UBXN11: variants seen among roughly 807,000 people sequenced by gnomAD.
UBXN11 encodes UBX domain protein 11.
Under a neutral mutation model 62.8 loss-of-function variants are expected in UBXN11, and 47 were observed. The ratio of observed to expected loss-of-function variants is 0.75; its 90% CI spans 0.59 to 0.95. UBXN11 has a LOEUF of 0.95. Among genes scored for constraint, UBXN11 ranks in the 40% least tolerant of loss-of-function variants. The pLI, the probability that UBXN11 is intolerant of heterozygous loss-of-function variation, is 0.00. For synonymous variants in UBXN11, 294 were observed against 267.0 expected (o/e 1.10, Z -0.99); for missense variants, 638 against 661.7 (o/e 0.96, Z 0.39).
At chr1:26,291,769 C>G (rs1369095701) in intron 8 of UBXN11, among the ~76,000 whole-genome samples, 1 of 152,152 alleles carries the variant, frequency 6.6e-6, no homozygotes, top group Non-Finnish European at 1.5e-5. Context: ...GCCAGGGGTC[C>G]CTTGAGAACT....
chr1:26,285,724 G>C, intron 9 of UBXN11, 99 bp downstream of exon 9: 3 of 1,461,292 alleles, frequency 2.1e-6, no homozygotes, highest in Middle Eastern at 2.5e-4. Context: ...GTGCCCCGTG[G>C]AGGGCAGGCT....
chr1:26,288,086 T>G (rs573333808), intron 8 of UBXN11, among the ~76,000 whole-genome samples: 30 of 151,868 alleles, frequency 2.0e-4, no homozygotes, highest in Admixed American at 5.9e-4. Flanking sequence ...TAAAAAAAAA[T>G]TGTAGAGATG....
intron 1 of UBXN11, among the ~76,000 whole-genome samples, chr1:26,315,960 C>CTTTT (rs34193565): frequency 0.56 from 63,610 of 113,638 alleles, 19,651 homozygotes; most frequent in Non-Finnish European, 0.59. Context: ...GTTTCCTGGC[C>CTTTT]TTTTTTTTTT....
At chr1:26,285,107 G>T in intron 10 of UBXN11, 1 of 1,057,420 alleles carries the variant, frequency 9.5e-7, no homozygotes, top group South Asian at 3.2e-5. Flanking sequence ...GTGGCTCACA[G>T]CACTGCCTCC....
chr1:26,298,376 G>A (rs1362850798), intron 4 of UBXN11, among the ~76,000 whole-genome samples: 1 of 152,144 alleles, frequency 6.6e-6, no homozygotes, highest in South Asian at 2.1e-4. Context: ...TTTCACCCTC[G>A]ATCTAATCAA....
intron 7 of UBXN11, among the ~76,000 whole-genome samples, chr1:26,294,631 G>A (rs754001062): frequency 2.0e-5 from 3 of 152,310 alleles, no homozygotes; most frequent in East Asian, 1.9e-4. Context: ...GCGAGGGCTC[G>A]GTAAGGTCAG....
At chr1:26,297,813 G>T in intron 5 of UBXN11, 149 bp downstream of exon 5, 1 of 901,644 alleles carries the variant, frequency 1.1e-6, no homozygotes, top group Non-Finnish European at 1.7e-6. Context: ...ACCTAGATCA[G>T]GCCCAGGCCA....
At chr1:26,314,572 T>C (rs1020612912) in intron 1 of UBXN11, among the ~76,000 whole-genome samples, 1 of 152,196 alleles carries the variant, frequency 6.6e-6, no homozygotes, top group Non-Finnish European at 1.5e-5. Context: ...AAATATTTAC[T>C]GGATGAATAA....
At chr1:26,300,048 T>C (rs2073491622) in intron 4 of UBXN11, among the ~76,000 whole-genome samples, 1 of 152,172 alleles carries the variant, frequency 6.6e-6, no homozygotes, top group Non-Finnish European at 1.5e-5. Flanking sequence ...TAGGAGATCT[T>C]GGCTTTGTGG....
At chr1:26,299,278 G>A (rs565259260) in intron 4 of UBXN11, among the ~76,000 whole-genome samples, 3 of 152,080 alleles carry the variant, frequency 2.0e-5, no homozygotes, top group African/African-American at 4.8e-5. Flanking sequence ...TTGGGAGGCC[G>A]AGGCGGGCAG....
chr1:26,296,606 T>C (rs561302698), intron 7 of UBXN11, among the ~76,000 whole-genome samples: 2 of 152,236 alleles, frequency 1.3e-5, no homozygotes, highest in East Asian at 3.9e-4. Context: ...TGAAGAGGCA[T>C]GCAGGGGCCA....
exon 1 of UBXN11, chr1:26,318,161 C>A: frequency 9.0e-7 from 1 of 1,107,902 alleles, no homozygotes; most frequent in Non-Finnish European, 1.4e-6. Flanking sequence ...CCCAGAGACC[C>A]AGCCTTCTCT....
chr1:26,287,645 T>C (rs2073163041), intron 8 of UBXN11, among the ~76,000 whole-genome samples: 1 of 152,016 alleles, frequency 6.6e-6, no homozygotes, highest in South Asian at 2.1e-4. Context: ...TGCAGATGTG[T>C]TTCCTGTTGC....
chr1:26,317,892 T>C, intron 1 of UBXN11: 1 of 788,784 alleles, frequency 1.3e-6, no homozygotes. Context: ...CCCTCCTTCC[T>C]CTCCCTACCT....
At chr1:26,313,369 CCT>C (rs1355797709) in intron 1 of UBXN11, among the ~76,000 whole-genome samples, 1 of 152,182 alleles carries the variant, frequency 6.6e-6, no homozygotes, top group Non-Finnish European at 1.5e-5. Context: ...ACACACATTT[CCT>C]CTGAGTGGTC....
At chr1:26,309,165 C>T (rs1168165638), upstream of UBXN11, among the ~76,000 whole-genome samples, 4 of 151,826 alleles carry the variant, frequency 2.6e-5, no homozygotes, top group African/African-American at 9.7e-5. Context: ...CGTCTCCTGA[C>T]CTTGTGATCC....
chr1:26,305,002 T>C (rs557179255), intron 1 of UBXN11, among the ~76,000 whole-genome samples: 1 of 152,226 alleles, frequency 6.6e-6, no homozygotes, highest in East Asian at 1.9e-4. Context: ...TTCACTTATA[T>C]TTTAGCTTTT....
At chr1:26,306,939 C>G (rs1459053559), upstream of UBXN11, 1 of 151,432 alleles carries the variant, frequency 6.6e-6, no homozygotes, top group Non-Finnish European at 1.5e-5. Flanking sequence ...TGTGTGATCC[C>G]GACAGTGCCG....
chr1:26,301,143 G>T lies in UBXN11; in HGVS notation c.101-119C>A. On this transcript the variant is annotated intron_variant, in intron 3 of 14. Coordinates refer to ENST00000374222, the MANE Select transcript of UBXN11 (RefSeq NM_001389556.1). ...CTGTGCCCCAGGGAGTTTGAGGAGA[G>T]AGAATTCACAAGGCTGGGGAGCAAG... is the stretch of plus-strand genomic sequence containing the variant. 9 of 1,552,082 alleles carry T rather than the reference G, an allele frequency of 5.8e-6. No homozygotes were observed. In the South Asian group the frequency reaches 1.1e-4, roughly 18 times the overall value.
Sources: allele counts gnomAD v4.1 joint callset (sites outside exome capture counted in the v4.1 genomes callset), GRCh38; gene constraint gnomAD v4.1.1; transcripts MANE v1.5; gene names NCBI Gene and HGNC (gene_info 2026-07-23, HGNC 2026-07-21).